KANTR: variants seen among roughly 807,000 people sequenced by gnomAD.
KANTR encodes KANTR integral membrane protein.
At chrX:53,129,283 G>A (rs1483391936), downstream of KANTR, among the ~76,000 whole-genome samples, 5 of 76,524 alleles carry the variant, frequency 6.5e-5, no homozygotes, top group Admixed American at 3.3e-4. Context: ...TAGAGACGGG[G>A]TTTCACTGTG....
chrX:53,104,781 C>T (rs1602114636), intron 2 of KANTR, among the ~76,000 whole-genome samples: 1 of 111,913 alleles, frequency 8.9e-6, no homozygotes, highest in Non-Finnish European at 1.9e-5. Context: ...GATCTACCTC[C>T]GTTCCTCAGT....
At chrX:53,108,810 C>A (rs1309261725) in intron 2 of KANTR, among the ~76,000 whole-genome samples, 2 of 110,680 alleles carry the variant, frequency 1.8e-5, no homozygotes, top group African/African-American at 3.3e-5. Context: ...AAGCAGTCCT[C>A]CCATCTCAGC....
intron 1 of KANTR, among the ~76,000 whole-genome samples, chrX:53,097,396 A>G (rs2146712273): frequency 1.3e-5 from 1 of 78,802 alleles, no homozygotes; most frequent in South Asian, 9.3e-4. Context: ...TCTGTCACCC[A>G]GGCTAGAATG....
chrX:53,105,600 C>T (rs1421860703), intron 2 of KANTR, among the ~76,000 whole-genome samples: 3 of 107,993 alleles, frequency 2.8e-5, no homozygotes, highest in Non-Finnish European at 5.7e-5. Flanking sequence ...AGCAATTCTC[C>T]TGCCTCAGCC....
At chrX:53,100,316 A>C (rs1292525662) in intron 2 of KANTR, among the ~76,000 whole-genome samples, 1 of 109,204 alleles carries the variant, frequency 9.2e-6, no homozygotes, top group African/African-American at 3.3e-5. Context: ...CCCTGCCTCT[A>C]CTAAAAATAC....
chrX:53,129,655 G>T (rs1464183637), downstream of KANTR, among the ~76,000 whole-genome samples: 1 of 109,253 alleles, frequency 9.2e-6, no homozygotes, highest in African/African-American at 3.3e-5. Context: ...TTTTTTCGTA[G>T]GTGTTCTTTT....
intron 2 of KANTR, among the ~76,000 whole-genome samples, chrX:53,102,941 C>A (rs1556812063): frequency 9.2e-6 from 1 of 109,088 alleles, no homozygotes; most frequent in East Asian, 2.9e-4. Context: ...CTTTTAACCC[C>A]ACCTCAGCTA....
intron 2 of KANTR, among the ~76,000 whole-genome samples, chrX:53,134,719 G>A (rs782150717): frequency 4.2e-4 from 47 of 111,809 alleles, no homozygotes; most frequent in African/African-American, 1.5e-3. Context: ...TGTTGGAAAC[G>A]GGAGTGAGGA....
chrX:53,136,655 G>A (rs1374006286), intron 2 of KANTR, among the ~76,000 whole-genome samples: 1 of 69,319 alleles, frequency 1.4e-5, no homozygotes, highest in African/African-American at 4.8e-5. Flanking sequence ...TCAGCCTCCC[G>A]AGTAGCTGGG....
downstream of KANTR, among the ~76,000 whole-genome samples, chrX:53,130,389 G>A (rs1301738792): frequency 8.9e-6 from 1 of 111,751 alleles, no homozygotes; most frequent in Non-Finnish European, 1.9e-5. Context: ...TAGTGCAGTG[G>A]ACTTGAGACA....
intron 2 of KANTR, among the ~76,000 whole-genome samples, chrX:53,140,500 C>CAA (rs782805364): frequency 0.015 from 628 of 42,366 alleles, 14 homozygotes; most frequent in African/African-American, 0.044. Flanking sequence ...GACTCTGTCT[C>CAA]AAAAAAAAAA....
At chrX:53,143,001 GC>G, downstream of KANTR, 1 of 1,131,574 alleles carries the variant, frequency 8.8e-7, no homozygotes. Context: ...TGATGCCAGG[GC>G]ACATGGTGGT....
chrX:53,126,133 G>A (rs1556816185), exon 3 of KANTR: 1 of 109,856 alleles, frequency 9.1e-6, no homozygotes, highest in African/African-American at 3.3e-5. Flanking sequence ...TAGTAGTAGT[G>A]GAATGTGCAG....
At chrX:53,129,038 G>A (rs1321032890), downstream of KANTR, among the ~76,000 whole-genome samples, 5 of 100,018 alleles carry the variant, frequency 5.0e-5, no homozygotes, top group East Asian at 9.3e-4. Context: ...CTCAGATGTC[G>A]TTTTTGGGAT....
At chrX:53,143,796 C>T (rs1556818864), downstream of KANTR, 2 of 506,942 alleles carry the variant, frequency 3.9e-6, no homozygotes, top group South Asian at 2.5e-5. Context: ...CACCCTGGTG[C>T]CGGGGTCACC....
downstream of KANTR, chrX:53,143,726 C>T (rs1337284252): frequency 6.7e-5 from 42 of 629,624 alleles, no homozygotes; most frequent in South Asian, 2.4e-4. Flanking sequence ...GTCAGGATGT[C>T]GTGCTTGCTC....
chrX:53,121,000 GTTTGTT>G (rs1933211153), intron 2 of KANTR, among the ~76,000 whole-genome samples: 1 of 106,139 alleles, frequency 9.4e-6, no homozygotes, highest in African/African-American at 3.5e-5. Flanking sequence ...GTTTTTTTTT[GTTTGTT>G]TTTGTTTTTT....
intron 2 of KANTR, among the ~76,000 whole-genome samples, chrX:53,117,495 T>A (rs1933143419): frequency 9.1e-6 from 1 of 110,208 alleles, no homozygotes; most frequent in Admixed American, 9.8e-5. Context: ...TTGCCCTTTT[T>A]GATATATGGG....
chrX:53,105,890 C>T (rs1264833149), intron 2 of KANTR, among the ~76,000 whole-genome samples: 4 of 87,439 alleles, frequency 4.6e-5, no homozygotes, highest in Non-Finnish European at 8.6e-5. Flanking sequence ...CAGAGTCTCG[C>T]TCTGTCGCCC....
Sources: gnomAD v4.1 joint callset for allele counts (sites outside exome capture counted in the v4.1 genomes callset) on GRCh38, gnomAD v4.1.1 for gene constraint, MANE v1.5 for transcripts, NCBI Gene and HGNC (gene_info 2026-07-23, HGNC 2026-07-21) for gene names.